The following PCDHA4 variants were observed in gnomAD, a reference collection of about 807,000 sequenced individuals.
The protein encoded by PCDHA4 is protocadherin alpha 4, also known as protocadherin alpha-4.
In PCDHA4, 49 loss-of-function variants were observed where a neutral mutation model predicts 61.4. That is an observed-to-expected ratio of 0.80 (90% confidence interval 0.63 to 1.01). The LOEUF (loss-of-function observed/expected upper bound fraction) is 1.01, where lower values mean the gene tolerates loss of function less well. Ranked by LOEUF, PCDHA4 falls within the 50% of genes least tolerant of loss-of-function variation. The probability of loss-of-function intolerance (pLI) is 0.00; values close to 1 mark genes in which losing one functional copy is unlikely to be tolerated. For missense variants in PCDHA4, 1,254 were observed against 1,235.8 expected (o/e 1.01, Z -0.22); for synonymous variants, 590 against 550.3 (o/e 1.07, Z -1.01).
At chr5:140,852,752 C>A in intron 1 of PCDHA4, 1 of 983,714 alleles carries the variant, frequency 1.0e-6, no homozygotes, top group Non-Finnish European at 1.2e-6. Context: ...TAAACTTGGA[C>A]CCAGGTATCT....
intron 1 of PCDHA4, among the ~76,000 whole-genome samples, chr5:140,888,192 A>T (rs906159358): frequency 6.6e-6 from 1 of 152,120 alleles, no homozygotes; most frequent in Non-Finnish European, 1.5e-5. Context: ...TGAATTTTAC[A>T]TTGTCGGATG....
intron 1 of PCDHA4, chr5:140,821,808 C>T: frequency 6.2e-7 from 1 of 1,613,554 alleles, no homozygotes; most frequent in Non-Finnish European, 8.5e-7. Flanking sequence ...GTCTGGGATC[C>T]CGGCTCCTGC....
Position 140,808,499 on chromosome 5 carries a change from A to G in PCDHA4, c.1312A>G (p.Thr438Ala). The change falls in exon 1 of 4, where the codon ACG (threonine) becomes GCG (alanine). Residue 438 changes from threonine (T) to alanine (A), a missense_variant. Transcript: ENST00000530339. ...CGGGGGCTCGCCTTCGCTGTGGGCC[A>G]CGGCCAGTGTTTCTGTGGAGGTGGC... ...RDGGSPSLWA[T>A]ASVSVEVADV... 6.2e-7 allele frequency: 1 copy of G among 1,614,192 alleles called. No homozygotes were observed. Among genetic ancestry groups the G allele is most frequent in the Non-Finnish European group, 8.5e-7 (1 of 1,180,044 alleles).
chr5:140,980,978 C>T (rs1482749121), intron 2 of PCDHA4, among the ~76,000 whole-genome samples: 1 of 152,032 alleles, frequency 6.6e-6, no homozygotes, highest in South Asian at 2.1e-4. Flanking sequence ...TCTGACTGAG[C>T]CCACACAATT....
chr5:140,843,370 G>A lies in PCDHA4; in HGVS notation c.2385+33798G>A, dbSNP rs782264664. On this transcript the variant is annotated intron_variant, in intron 1 of 3. Coordinates refer to ENST00000530339, the MANE Select transcript of PCDHA4 (RefSeq NM_018907.4). Reference sequence around the variant, plus strand: ...CTCCAAAAGCGTCATCGAGGCAGTCGGCTGGCGTTTTGGGTCCGGAAGCGG... The same window carrying A: ...CTCCAAAAGCGTCATCGAGGCAGTCAGCTGGCGTTTTGGGTCCGGAAGCGG... The A allele has an allele frequency of 1.2e-5, 19 of 1,596,088 alleles. 2 individuals carry two copies. Among genetic ancestry groups the A allele is most frequent in the Non-Finnish European group, 1.6e-5 (19 of 1,165,604 alleles).
rs1554131961 is a variant in PCDHA4, at chr5:140,829,444, T to C, written c.2385+19872T>C. On this transcript the variant is annotated intron_variant, in intron 1 of 3. Coordinates refer to ENST00000530339, the MANE Select transcript of PCDHA4 (RefSeq NM_018907.4). Reference sequence around the variant, plus strand: ...TGGAGGTGGCCGACATGAATGACAATGCTCCGGCGTTCGCGCAGCCCGAGT... The same window carrying C: ...TGGAGGTGGCCGACATGAATGACAACGCTCCGGCGTTCGCGCAGCCCGAGT... 6.8e-6 allele frequency: 11 copies of C among 1,613,940 alleles called. No homozygotes were observed. The East Asian group carries it at 1.3e-4, about 20-fold the overall frequency.
chr5:140,856,340 A>G (rs1554148561), intron 1 of PCDHA4: 1 of 1,598,438 alleles, frequency 6.3e-7, no homozygotes, highest in Non-Finnish European at 8.6e-7. Flanking sequence ...GTGCGGGCGG[A>G]GCGTGGAGTG....
intron 1 of PCDHA4, chr5:140,871,599 TG>T (rs1554165773): frequency 6.9e-7 from 1 of 1,447,790 alleles, no homozygotes; most frequent in Admixed American, 2.7e-5. Flanking sequence ...GAATAACCAG[TG>T]TTTTGAATAT....
intron 3 of PCDHA4, among the ~76,000 whole-genome samples, chr5:140,989,845 T>C (rs1180098230): frequency 2.6e-5 from 4 of 152,118 alleles, no homozygotes; most frequent in Non-Finnish European, 5.9e-5. Flanking sequence ...AATGAGTGTG[T>C]GGACTGGAGA....
At chr5:140,825,409 T>A (rs1768556836) in intron 1 of PCDHA4, 1 of 146,468 alleles carries the variant, frequency 6.8e-6, no homozygotes, top group African/African-American at 2.5e-5. Context: ...ATTATATATT[T>A]TATATAATAT....
intron 1 of PCDHA4, chr5:140,828,617 G>C (rs2150157424): frequency 6.2e-7 from 1 of 1,614,158 alleles, no homozygotes. Context: ...CAGTTCTAGC[G>C]AATACTTCGG....
chr5:140,835,836 C>T, intron 1 of PCDHA4: 1 of 1,612,388 alleles, frequency 6.2e-7, no homozygotes, highest in Non-Finnish European at 8.5e-7. Context: ...CGCGGACGCG[C>T]AGAAGAACGC....
intron 1 of PCDHA4, among the ~76,000 whole-genome samples, chr5:140,941,191 T>TTTTTC (rs1554213809): frequency 1.8e-4 from 17 of 93,256 alleles, no homozygotes; most frequent in Middle Eastern, 5.1e-3. Context: ...GCTTCTTTTT[T>TTTTTC]TTTCTTTCTT....
intron 1 of PCDHA4, among the ~76,000 whole-genome samples, chr5:140,923,038 T>C (rs529637754): frequency 1.2e-4 from 19 of 152,316 alleles, no homozygotes; most frequent in Admixed American, 1.0e-3. Context: ...TTACTACATG[T>C]ATAGTATTTA....
chr5:140,849,121 A>G (rs2150430770), intron 1 of PCDHA4: 7 of 1,407,396 alleles, frequency 5.0e-6, no homozygotes, highest in Non-Finnish European at 1.9e-6. Context: ...CCGGAGCTTC[A>G]TTTATTGCTC....
intron 1 of PCDHA4, chr5:140,829,737 T>C (rs2150173685): frequency 3.1e-6 from 5 of 1,613,542 alleles, no homozygotes; most frequent in East Asian, 4.5e-5. Flanking sequence ...GGCAGCAACG[T>C]GACGCTGCAG....
intron 1 of PCDHA4, chr5:140,835,958 C>T (rs2150249126): frequency 1.9e-6 from 3 of 1,613,058 alleles, no homozygotes; most frequent in Middle Eastern, 1.8e-4. Context: ...CGTTGGACCA[C>T]GAGGAGCTGG....
chr5:141,006,869 C>T (rs190273260), intron 3 of PCDHA4, among the ~76,000 whole-genome samples: 50 of 152,182 alleles, frequency 3.3e-4, no homozygotes, highest in African/African-American at 1.0e-3. Flanking sequence ...GGAATAGATT[C>T]GAGGAATCAA....
intron 1 of PCDHA4, chr5:140,883,477 C>CTACT: frequency 6.2e-7 from 1 of 1,614,172 alleles, no homozygotes; most frequent in Middle Eastern, 1.7e-4. Context: ...CCTACAAGAA[C>CTACT]TACTACTCAT....
Sources: allele counts gnomAD v4.1 joint callset (sites outside exome capture counted in the v4.1 genomes callset), GRCh38; gene constraint gnomAD v4.1.1; transcripts MANE v1.5; gene names NCBI Gene and HGNC (gene_info 2026-07-23, HGNC 2026-07-21).